Variants in PPARD observed in about 807,000 individuals in gnomAD.
The protein encoded by PPARD is peroxisome proliferator activated receptor delta.
A neutral mutation model predicts 39.5 loss-of-function variants in PPARD; 6 were observed. That is an observed-to-expected ratio of 0.15 (90% CI 0.08 to 0.30). The LOEUF is 0.30. Ranked by LOEUF, PPARD falls within the 10% of genes least tolerant of loss-of-function variation. The pLI is 1.00. For synonymous variants in PPARD, 210 were observed against 231.3 expected, an observed-to-expected ratio of 0.91 and a Z score of 0.83; for missense variants, 397 against 596.8, an observed-to-expected ratio of 0.67 and a Z score of 3.49.
At chr6:35,398,277 G>C (rs1244183140) in intron 2 of PPARD, among the ~76,000 whole-genome samples, 2 of 152,184 alleles carry the variant, frequency 1.3e-5, no homozygotes, top group Admixed American at 1.3e-4. Context: ...ATCCAGGCAG[G>C]AGATGGTGTT....
chr6:35,418,784 G>T (rs558155245), intron 3 of PPARD, among the ~76,000 whole-genome samples: 4 of 152,190 alleles, frequency 2.6e-5, no homozygotes, highest in Non-Finnish European at 5.9e-5. Flanking sequence ...CCAGAGACTT[G>T]TGTTACCCCT....
intron 2 of PPARD, among the ~76,000 whole-genome samples, chr6:35,390,254 T>C (rs934977655): frequency 9.8e-5 from 15 of 152,354 alleles, no homozygotes; most frequent in African/African-American, 3.4e-4. Context: ...CCACCTCTTA[T>C]GTGCCCTCCA....
intron 2 of PPARD, among the ~76,000 whole-genome samples, chr6:35,375,038 G>C (rs1025961552): frequency 1.3e-5 from 2 of 152,062 alleles, no homozygotes; most frequent in Non-Finnish European, 2.9e-5. Flanking sequence ...TTTGTGTCAC[G>C]ATGTTTAGGA....
chr6:35,384,114 C>T (rs1466145308), intron 2 of PPARD, among the ~76,000 whole-genome samples: 4 of 147,316 alleles, frequency 2.7e-5, no homozygotes, highest in Admixed American at 1.3e-4. Flanking sequence ...GCCCGGCCAG[C>T]CGCCCCGTCC....
Position 35,346,448 on chromosome 6 carries a change from A to G in PPARD, c.-185-619A>G, listed in dbSNP as rs147590411. On this transcript the variant is annotated intron_variant, in intron 1 of 7. Transcript: ENST00000360694. ...AGCCCTGTGCCCGGTGCCATTGTCA[A>G]TGCCATGTCCCAGATTACCTAATGG... Among the ~76,000 whole-genome samples, 272 of 152,236 alleles carry G rather than the reference A, an allele frequency of 1.8e-3. 1 individual carries two copies. Among genetic ancestry groups the G allele is most frequent in the Admixed American group, 3.8e-3 (58 of 15,294 alleles).
chr6:35,382,907 A>G (rs1345837524), intron 2 of PPARD, among the ~76,000 whole-genome samples: 1 of 152,180 alleles, frequency 6.6e-6, no homozygotes, highest in African/African-American at 2.4e-5. Flanking sequence ...TATTATCATC[A>G]TTATTGTTAT....
At position 35,412,415 on chromosome 6, in the gene PPARD, G is replaced by A. The variant is rs953945489; in HGVS notation, c.130+1198G>A. 1.1e-4 allele frequency among the ~76,000 whole-genome samples: 17 copies of A among 152,188 alleles called. No homozygotes were observed. In the East Asian group the frequency reaches 2.9e-3, roughly 26 times the overall value. On this transcript the variant is annotated intron_variant, in intron 3 of 7. Transcript: ENST00000360694. The surrounding 1 kb of genome is among the most constrained non-coding windows in gnomAD (Gnocchi z 4.1). ...GCTGCAGGAGATCCTAGCCACAGGC[G>A]GTGACTCAGGCAGAGGAGCAAGCCC... is the stretch of plus-strand genomic sequence containing the variant.
chr6:35,375,609 G>A (rs1159630252), intron 2 of PPARD, among the ~76,000 whole-genome samples: 5 of 152,072 alleles, frequency 3.3e-5, no homozygotes, highest in Admixed American at 2.6e-4. Flanking sequence ...AAGTGCAGTG[G>A]TGTGATCACA....
intron 2 of PPARD, among the ~76,000 whole-genome samples, chr6:35,364,303 T>C (rs1047818641): frequency 2.6e-5 from 4 of 152,214 alleles, no homozygotes; most frequent in Non-Finnish European, 5.9e-5. Context: ...TTGGTGGACA[T>C]TTGGGTTGTT....
Position 35,349,416 on chromosome 6 carries a change from AATT to A in PPARD, c.-102+2272_-102+2274del, listed in dbSNP as rs542076946. Among the ~76,000 whole-genome samples the A allele has an allele frequency of 1.0e-3, 156 of 152,330 alleles. 4 individuals carry two copies. The South Asian group carries it at 0.03, about 29-fold the overall frequency. On this transcript the variant is annotated intron_variant, in intron 2 of 7. Coordinates refer to ENST00000360694, the MANE Select transcript of PPARD (RefSeq NM_006238.5). ...CATCCCTGGGCCACATTGGAAGAAG[AATT>A]ATTATCTTGGGCTATACATAAAATA...
chr6:35,398,095 C>A (rs1431984264), intron 2 of PPARD, among the ~76,000 whole-genome samples: 2 of 152,104 alleles, frequency 1.3e-5, no homozygotes, highest in Non-Finnish European at 2.9e-5. Flanking sequence ...GACTTGCTGG[C>A]AGGTATTAAG....
At position 35,352,913 on chromosome 6, in the gene PPARD, A is replaced by G. The variant is rs138215568; in HGVS notation, c.-102+5763A>G. Among the ~76,000 whole-genome samples, 454 of 152,268 alleles carry G rather than the reference A, an allele frequency of 3.0e-3. 3 individuals carry two copies. Among genetic ancestry groups the G allele is most frequent in the African/African-American group, 9.7e-3 (403 of 41,562 alleles). On this transcript the variant is annotated intron_variant, in intron 2 of 7. Coordinates refer to ENST00000360694, the MANE Select transcript of PPARD (RefSeq NM_006238.5). ...GAAGTTACACAGTGCCACTTCCTCT[A>G]TTCCCTTGGTCTCAGGACCAGTTCA...
At chr6:35,393,227 G>T (rs1369923847) in intron 2 of PPARD, among the ~76,000 whole-genome samples, 1 of 152,182 alleles carries the variant, frequency 6.6e-6, no homozygotes, top group African/African-American at 2.4e-5. Flanking sequence ...CAGCCAAGTG[G>T]GCAGGAGCGG....
chr6:35,380,459 G>GTTTTTTTTTTTGT (rs1763068883), intron 2 of PPARD, among the ~76,000 whole-genome samples: 4 of 97,154 alleles, frequency 4.1e-5, no homozygotes, highest in Non-Finnish European at 6.3e-5. Flanking sequence ...TTAACCTCGT[G>GTTTTTTTTTTTGT]TTTTTTTTTT....
At chr6:35,357,625 C>T (rs1353369433) in intron 2 of PPARD, among the ~76,000 whole-genome samples, 1 of 152,008 alleles carries the variant, frequency 6.6e-6, no homozygotes, top group Non-Finnish European at 1.5e-5. Flanking sequence ...CAACCTCCGC[C>T]TCCCGGGTTC....
At chr6:35,371,002 C>T (rs762463651) in intron 2 of PPARD, among the ~76,000 whole-genome samples, 4 of 152,186 alleles carry the variant, frequency 2.6e-5, no homozygotes, top group Non-Finnish European at 5.9e-5. Context: ...CCCTACTCAC[C>T]CCACACCCTC....
chr6:35,384,172 G>A (rs1763392580), intron 2 of PPARD, among the ~76,000 whole-genome samples: 1 of 138,226 alleles, frequency 7.2e-6, no homozygotes, highest in African/African-American at 2.7e-5. Flanking sequence ...GGGAAGTGAG[G>A]AGCCCCTCTG....
rs13206810 is a variant in PPARD at position 35,355,412 on chromosome 6, C to T, written c.-102+8262C>T. Among the ~76,000 whole-genome samples the T allele has an allele frequency of 1.2e-4, 18 of 151,668 alleles. No individual in the cohort carries two copies. The East Asian group carries it at 3.5e-3, about 30-fold the overall frequency. On this transcript the variant is annotated intron_variant, in intron 2 of 7. Transcript: ENST00000360694. Reference sequence around the variant, plus strand: ...ACAAAAAATACAAAAATTATCCAGGCGTGGTGGTACATGCCTGTAGTTCCT... The same window carrying T: ...ACAAAAAATACAAAAATTATCCAGGTGTGGTGGTACATGCCTGTAGTTCCT...
At chr6:35,369,545 T>C (rs1290564594) in intron 2 of PPARD, among the ~76,000 whole-genome samples, 1 of 152,242 alleles carries the variant, frequency 6.6e-6, no homozygotes, top group Non-Finnish European at 1.5e-5. Context: ...ACATTTCATA[T>C]AAATGGGATC....
Sources: allele counts gnomAD v4.1 joint callset (sites outside exome capture counted in the v4.1 genomes callset), GRCh38; gene constraint gnomAD v4.1.1; non-coding constraint Gnocchi (gnomAD v3.1); transcripts MANE v1.5; gene names NCBI Gene and HGNC (gene_info 2026-07-23, HGNC 2026-07-21).